CIB4: variants seen among roughly 807,000 people sequenced by gnomAD.
CIB4 encodes the protein calcium and integrin binding family member 4, also known as calcium and integrin-binding family member 4.
CIB4 carries 25 observed loss-of-function variants against 25.8 expected under a neutral mutation model. That is an observed-to-expected ratio of 0.97 (90% CI 0.71 to 1.35). The LOEUF (loss-of-function observed/expected upper bound fraction) is 1.35. Ranked by LOEUF, CIB4 falls within the 40% of genes most tolerant of loss-of-function variation. The probability of loss-of-function intolerance (pLI) is 0.00; values close to 1 mark genes in which losing one functional copy is unlikely to be tolerated. For synonymous variants in CIB4, 75 were observed against 81.4 expected (o/e 0.92, Z 0.42); for missense variants, 235 against 228.2 (o/e 1.03, Z -0.19).
chr2:26,594,496 G>A (rs1381340091), intron 4 of CIB4, among the ~76,000 whole-genome samples: 1 of 152,230 alleles, frequency 6.6e-6, no homozygotes, highest in African/African-American at 2.4e-5. Context: ...AGATGCGAAT[G>A]AGCAAGTCTA....
intron 2 of CIB4, among the ~76,000 whole-genome samples, chr2:26,639,436 A>T (rs1159513642): frequency 6.6e-6 from 1 of 150,736 alleles, no homozygotes. Flanking sequence ...TATGACTGAG[A>T]ACCATTATTT....
chr2:26,600,220 T>C (rs372378475), intron 3 of CIB4, among the ~76,000 whole-genome samples: 2 of 115,532 alleles, frequency 1.7e-5, no homozygotes, highest in African/African-American at 7.8e-5. Flanking sequence ...GACTGGTCAA[T>C]GTGGCGAAAC....
At chr2:26,597,376 C>A (rs1353788745) in intron 3 of CIB4, among the ~76,000 whole-genome samples, 1 of 150,954 alleles carries the variant, frequency 6.6e-6, no homozygotes, top group Non-Finnish European at 1.5e-5. Flanking sequence ...TGATTTAAGA[C>A]ATATAGCCCA....
At chr2:26,622,819 C>T (rs1445540839) in intron 3 of CIB4, among the ~76,000 whole-genome samples, 1 of 151,982 alleles carries the variant, frequency 6.6e-6, no homozygotes, top group Non-Finnish European at 1.5e-5. Flanking sequence ...CCTATCTCTA[C>T]TAAAAATACA....
intron 3 of CIB4, among the ~76,000 whole-genome samples, chr2:26,603,506 C>G (rs1280692591): frequency 6.6e-6 from 1 of 152,156 alleles, no homozygotes; most frequent in Non-Finnish European, 1.5e-5. Flanking sequence ...TCTTGTCTTA[C>G]TAAATCTTAA....
chr2:26,615,144 C>T (rs1215359035), intron 3 of CIB4, among the ~76,000 whole-genome samples: 1 of 152,190 alleles, frequency 6.6e-6, no homozygotes, highest in Non-Finnish European at 1.5e-5. Context: ...GCCTAATTTT[C>T]TCCTCCATGA....
At chr2:26,610,541 A>G (rs1268287454) in intron 3 of CIB4, among the ~76,000 whole-genome samples, 4 of 152,200 alleles carry the variant, frequency 2.6e-5, no homozygotes, top group African/African-American at 4.8e-5. Context: ...CTTTGCCCCA[A>G]TAGTATCAGG....
intron 2 of CIB4, among the ~76,000 whole-genome samples, chr2:26,639,330 ATGCTATC>A (rs1669592750): frequency 6.6e-6 from 1 of 151,722 alleles, no homozygotes; most frequent in South Asian, 2.1e-4. Flanking sequence ...ATTTCTCTTC[ATGCTATC>A]CCTCCCCTAG....
intron 3 of CIB4, among the ~76,000 whole-genome samples, chr2:26,616,393 C>T (rs954504380): frequency 3.9e-5 from 6 of 152,324 alleles, no homozygotes; most frequent in Admixed American, 6.5e-5. Flanking sequence ...TTGGGCCCTG[C>T]GAGGTGGAGC....
intron 4 of CIB4, among the ~76,000 whole-genome samples, chr2:26,586,572 T>C (rs991587964): frequency 6.6e-6 from 1 of 152,228 alleles, no homozygotes; most frequent in African/African-American, 2.4e-5. Flanking sequence ...ATATCCCAAG[T>C]GCCCAGAACA....
chr2:26,625,627 C>T (rs1669289368), intron 3 of CIB4, among the ~76,000 whole-genome samples: 1 of 152,218 alleles, frequency 6.6e-6, no homozygotes, highest in African/African-American at 2.4e-5. Context: ...GCTGGGATTA[C>T]AGGCGTGAGC....
intron 3 of CIB4, among the ~76,000 whole-genome samples, chr2:26,622,744 A>G (rs888564051): frequency 2.0e-5 from 3 of 152,200 alleles, no homozygotes; most frequent in African/African-American, 7.2e-5. Context: ...GCATTTTGGG[A>G]GGCCGAGGTG....
chr2:26,635,848 A>T (rs1231495527), intron 2 of CIB4, among the ~76,000 whole-genome samples: 3 of 152,188 alleles, frequency 2.0e-5, no homozygotes. Flanking sequence ...TCATAAGAGC[A>T]GTAGCAGCCT....
At chr2:26,615,704 C>G (rs998110334) in intron 3 of CIB4, among the ~76,000 whole-genome samples, 2 of 152,230 alleles carry the variant, frequency 1.3e-5, no homozygotes, top group Non-Finnish European at 2.9e-5. Flanking sequence ...AGCCCAAGAC[C>G]GCCAGGTGGC....
At chr2:26,633,124 C>G (rs1189193405) in intron 2 of CIB4, among the ~76,000 whole-genome samples, 2 of 152,138 alleles carry the variant, frequency 1.3e-5, no homozygotes, top group Non-Finnish European at 2.9e-5. Context: ...AATAATCTAC[C>G]TAAGGTCACA....
chr2:26,588,988 TTCTTCTTCTTCTTCTTCTTCTTC>T (rs1668510999), intron 4 of CIB4, among the ~76,000 whole-genome samples: 1 of 40,064 alleles, frequency 2.5e-5, no homozygotes, highest in Non-Finnish European at 5.1e-5. Context: ...TTTCTTCTTC[TTCTTCTTCTTCTTCTTCTTCTTC>T]TTCTTCTTCT....
intron 4 of CIB4, among the ~76,000 whole-genome samples, chr2:26,591,885 A>G (rs1000240466): frequency 1.1e-4 from 17 of 152,232 alleles, no homozygotes; most frequent in African/African-American, 3.9e-4. Context: ...AGACACAAGG[A>G]AGTAAATTCT....
rs967505124 is a variant in CIB4, at chr2:26,625,139, A to G, written c.186+4271T>C. Among the ~76,000 whole-genome samples, 6 of 152,170 alleles carry G rather than the reference A, an allele frequency of 3.9e-5. No homozygotes were observed. In the East Asian group the frequency reaches 5.8e-4, roughly 15 times the overall value. On this transcript the variant is annotated intron_variant, in intron 3 of 6. Coordinates refer to ENST00000288861, the MANE Select transcript of CIB4 (RefSeq NM_001029881.3). ...GTCCTAGGGCCAGAACCACAGACTC[A>G]GAGAGTGAGGAGGGCACCAGATCAT...
At chr2:26,635,307 C>T (rs1054568818) in intron 2 of CIB4, among the ~76,000 whole-genome samples, 7 of 152,336 alleles carry the variant, frequency 4.6e-5, no homozygotes, top group East Asian at 1.9e-4. Flanking sequence ...GGTCTCCCCC[C>T]ACCAGCCCCC....
Sources: gnomAD v4.1 joint callset for allele counts (sites outside exome capture counted in the v4.1 genomes callset) on GRCh38, gnomAD v4.1.1 for gene constraint, MANE v1.5 for transcripts, NCBI Gene and HGNC (gene_info 2026-07-23, HGNC 2026-07-21) for gene names.